The following CEP128 variants were observed in gnomAD, a reference collection of about 807,000 sequenced individuals.
CEP128 encodes centrosomal protein 128.
A neutral mutation model predicts 156.7 loss-of-function variants in CEP128; 132 were observed. The ratio of observed to expected loss-of-function variants is 0.84; its 90% CI spans 0.73 to 0.97. The LOEUF is 0.97. Among genes scored for constraint, CEP128 ranks in the 50% least tolerant of loss-of-function variants. CEP128 has a pLI of 0.00. For missense variants in CEP128, 1,252 were observed against 1,281.9 expected (o/e 0.98, Z 0.36); for synonymous variants, 469 against 448.9 (o/e 1.04, Z -0.57).
intron 8 of CEP128, among the ~76,000 whole-genome samples, chr14:80,882,030 A>G (rs1007311333): frequency 6.6e-6 from 1 of 152,144 alleles, no homozygotes; most frequent in Non-Finnish European, 1.5e-5. Context: ...AAGACAAGAT[A>G]AAGAAAGGGC....
rs781652341 is a variant in CEP128, at chr14:80,785,197, T to C, written c.1909A>G (p.Ile637Val). ...KAKLLEMQES[I>V]KDLSAIRADL... is the part of the protein sequence containing the mutation. ...GCTCGGATGGCACTCAGGTCCTTGA[T>C]GGACTCTTGCATCTCAAGAAGTTTA... is the stretch of plus-strand genomic sequence containing the variant. Residue 637 changes from isoleucine (I) to valine (V), a missense_variant, in exon 15 of 25, where the codon ATC (isoleucine) becomes GTC (valine). Transcript: ENST00000555265. 5 of 1,614,218 alleles carry C rather than the reference T, an allele frequency of 3.1e-6. No individual in the cohort carries two copies. Among genetic ancestry groups the C allele is most frequent in the Non-Finnish European group, 1.7e-6 (2 of 1,180,022 alleles).
At chr14:80,769,386 G>A (rs900509764) in intron 16 of CEP128, among the ~76,000 whole-genome samples, 16 of 151,704 alleles carry the variant, frequency 1.1e-4, no homozygotes, top group African/African-American at 3.9e-4. Flanking sequence ...CCATTAACTC[G>A]TCATTTACAT....
intron 4 of CEP128, among the ~76,000 whole-genome samples, chr14:80,913,806 A>G (rs1298699756): frequency 1.3e-5 from 2 of 152,136 alleles, no homozygotes; most frequent in Non-Finnish European, 2.9e-5. Flanking sequence ...ATGAAAACCT[A>G]TCTATTGGGT....
chr14:80,952,616 A>G (rs1185658929), intron 2 of CEP128, among the ~76,000 whole-genome samples: 2 of 152,212 alleles, frequency 1.3e-5, no homozygotes, highest in African/African-American at 4.8e-5. Context: ...AGAAGAGCCA[A>G]TTAAACCCCA....
At chr14:80,853,994 A>G (rs1466122795) in intron 9 of CEP128, among the ~76,000 whole-genome samples, 1 of 151,942 alleles carries the variant, frequency 6.6e-6, no homozygotes, top group African/African-American at 2.4e-5. Flanking sequence ...CCCGGGGGGA[A>G]AGAGAGAAAT....
chr14:80,579,727 T>A (rs139536888), intron 20 of CEP128, among the ~76,000 whole-genome samples: 2 of 152,218 alleles, frequency 1.3e-5, no homozygotes, highest in African/African-American at 4.8e-5. Context: ...CATGGGAATA[T>A]AACTGATTAT....
chr14:80,614,802 T>G (rs948358035), intron 19 of CEP128, among the ~76,000 whole-genome samples: 3 of 152,216 alleles, frequency 2.0e-5, no homozygotes, highest in African/African-American at 7.2e-5. Context: ...AATCTGCTCA[T>G]GTAATAGCAT....
chr14:80,810,202 A>G (rs745374650), intron 13 of CEP128, among the ~76,000 whole-genome samples: 11 of 151,572 alleles, frequency 7.3e-5, no homozygotes, highest in Non-Finnish European at 1.3e-4. Context: ...AGACGCCTGT[A>G]GTCCCAACCA....
At position 80,792,798 on chromosome 14, in the gene CEP128, A is replaced by G. The variant is rs1901780877; in HGVS notation, c.1522T>C (p.Ser508Pro). The G allele has an allele frequency of 6.2e-7, 1 of 1,614,114 alleles. No individual in the cohort carries two copies. Among genetic ancestry groups the G allele is most frequent in the Admixed American group, 1.7e-5 (1 of 60,002 alleles). Reference protein sequence around the residue: ...KKLERALEKQSETVDELTGKN... With the variant: ...KKLERALEKQPETVDELTGKN... ...CCTGTCAGTTCATCAACAGTTTCAG[A>G]TTGTTTCTCCAACGCTCGTTCTAAC... The change falls in exon 14 of 25, where the codon TCT (serine) becomes CCT (proline). Residue 508 changes from serine to proline, a missense_variant. Ser to Pro is a moderately conservative substitution (Grantham distance 74, BLOSUM62 -1). Coordinates refer to ENST00000555265, the MANE Select transcript of CEP128 (RefSeq NM_152446.5).
chr14:80,626,255 G>A lies in CEP128; in HGVS notation c.2807-45832C>T, dbSNP rs929108953. On this transcript the variant is annotated intron_variant, in intron 19 of 24. Transcript: ENST00000555265. ...CGAGGCGGGTGGATCATGAGGTCAGGAGATCGAGACCATCCTGGCTAACAA... is the reference window on the plus strand; with the variant it reads ...CGAGGCGGGTGGATCATGAGGTCAGAAGATCGAGACCATCCTGGCTAACAA... Among the ~76,000 whole-genome samples the A allele has an allele frequency of 2.6e-5, 4 of 151,676 alleles. No homozygotes were observed. In the South Asian group the frequency reaches 8.4e-4, roughly 32 times the overall value.
chr14:80,688,723 C>T (rs1228566026), intron 19 of CEP128, among the ~76,000 whole-genome samples: 2 of 152,182 alleles, frequency 1.3e-5, no homozygotes, highest in Non-Finnish European at 2.9e-5. Flanking sequence ...TGTTACCATT[C>T]TGTCTCTATT....
intron 4 of CEP128, among the ~76,000 whole-genome samples, chr14:80,910,591 A>T (rs1884152181): frequency 6.6e-6 from 1 of 152,198 alleles, no homozygotes; most frequent in Non-Finnish European, 1.5e-5. Context: ...AGATACCAAC[A>T]TCATGCTTCC....
chr14:80,766,891 T>C (rs1900266773), intron 16 of CEP128, among the ~76,000 whole-genome samples: 1 of 152,072 alleles, frequency 6.6e-6, no homozygotes, highest in Non-Finnish European at 1.5e-5. Context: ...ACGAATGCAA[T>C]TTAAGCAAAG....
At chr14:80,558,455 A>T (rs1968657) in intron 21 of CEP128, among the ~76,000 whole-genome samples, 86,363 of 151,948 alleles carry the variant, frequency 0.57, 24,896 homozygotes, top group East Asian at 0.72. Flanking sequence ...CACCCGGCTA[A>T]TTTTTTTAAT....
At chr14:80,848,746 A>T (rs1443027263) in intron 9 of CEP128, among the ~76,000 whole-genome samples, 1 of 151,812 alleles carries the variant, frequency 6.6e-6, no homozygotes, top group Non-Finnish European at 1.5e-5. Flanking sequence ...ATCAGAGGGG[A>T]TCTATTGTCT....
At chr14:80,806,559 C>T (rs910361365) in intron 13 of CEP128, among the ~76,000 whole-genome samples, 2 of 152,118 alleles carry the variant, frequency 1.3e-5, no homozygotes, top group Non-Finnish European at 2.9e-5. Context: ...TTCAATACTG[C>T]AACTCTGATG....
chr14:80,830,186 TAA>T, intron 13 of CEP128: 1 of 570,812 alleles, frequency 1.8e-6, no homozygotes. Context: ...AAGTCTTTAT[TAA>T]ACATGTAGAG....
rs374175483 is a variant in CEP128, at chr14:80,862,896, A to G, written c.646-23T>C. On this transcript the variant is annotated intron_variant, in intron 8 of 24. Transcript: ENST00000555265. ...AACCTTAATAAGAATTCAGAGAAAC[A>G]GCAGCATTATAGAGCTAGCAAGCAA... is the stretch of plus-strand genomic sequence containing the variant. 6.4e-6 allele frequency: 10 copies of G among 1,555,852 alleles called. No homozygotes were observed. In the African/African-American group the frequency reaches 1.2e-4, roughly 19 times the overall value.
chr14:80,787,211 G>A (rs1003818723), intron 14 of CEP128, among the ~76,000 whole-genome samples: 2 of 152,262 alleles, frequency 1.3e-5, no homozygotes, highest in South Asian at 2.1e-4. Context: ...TGGCCAGGGC[G>A]CTTGTCTGGA....
Sources: allele counts gnomAD v4.1 joint callset (sites outside exome capture counted in the v4.1 genomes callset), GRCh38; gene constraint gnomAD v4.1.1; transcripts MANE v1.5; gene names NCBI Gene and HGNC (gene_info 2026-07-23, HGNC 2026-07-21).